Variants in KIRREL3 observed in about 807,000 individuals in gnomAD.
KIRREL3 encodes kirre like nephrin family adhesion molecule 3, also known as kin of IRRE-like protein 3.
A neutral mutation model predicts 89.7 loss-of-function variants in KIRREL3; 36 were observed. The observed-to-expected ratio is 0.40, with a 90% CI of 0.31 to 0.53. KIRREL3 has a LOEUF of 0.53. Ranked by LOEUF, KIRREL3 falls within the 20% of genes least tolerant of loss-of-function variation. The probability of loss-of-function intolerance (pLI) is 0.49; values close to 1 mark genes in which losing one functional copy is unlikely to be tolerated. For missense variants in KIRREL3, 864 were observed against 1,056.6 expected, an observed-to-expected ratio of 0.82 and a Z score of 2.53; for synonymous variants, 445 against 441.4, an observed-to-expected ratio of 1.01 and a Z score of -0.10.
At chr11:126,834,265 A>G (rs1943705077) in intron 1 of KIRREL3, among the ~76,000 whole-genome samples, 1 of 152,110 alleles carries the variant, frequency 6.6e-6, no homozygotes, top group African/African-American at 2.4e-5. Flanking sequence ...TTTGGCCCAG[A>G]ATTTGGGTGG....
At chr11:126,707,418 C>G (rs1947575040) in intron 1 of KIRREL3, among the ~76,000 whole-genome samples, 1 of 152,198 alleles carries the variant, frequency 6.6e-6, no homozygotes, top group South Asian at 2.1e-4. Flanking sequence ...AAATGTCTAG[C>G]TAGTTCCCCA....
rs1400453299 is a variant in KIRREL3 at position 126,471,137 on chromosome 11, C to G, written c.591+2172G>C. On this transcript the variant is annotated intron_variant, in intron 5 of 16. Coordinates refer to ENST00000525144, the MANE Select transcript of KIRREL3 (RefSeq NM_032531.4). The surrounding 1 kb of genome is among the most constrained non-coding windows in gnomAD (Gnocchi z 5.4). ...CTTTGGGAGGCTGAGGCAGGTGGAT[C>G]ACCTGAGGTCGGGAGTTTGAGACCA... 5.9e-5 allele frequency among the ~76,000 whole-genome samples: 9 copies of G among 152,094 alleles called. No homozygotes were observed. The highest frequency in any genetic ancestry group is 1.3e-4 in the Non-Finnish European group (9 of 68,024).
At chr11:126,827,726 T>A (rs1392162206) in intron 1 of KIRREL3, among the ~76,000 whole-genome samples, 3 of 152,224 alleles carry the variant, frequency 2.0e-5, no homozygotes, top group Non-Finnish European at 2.9e-5. Context: ...AGTTTAGGTG[T>A]GTCATTTACT....
intron 4 of KIRREL3, among the ~76,000 whole-genome samples, chr11:126,493,596 A>C (rs1957580088): frequency 7.2e-6 from 1 of 139,668 alleles, no homozygotes; most frequent in South Asian, 2.3e-4. Flanking sequence ...CGGAGCTTGC[A>C]GTGAGCTGAG....
intron 1 of KIRREL3, among the ~76,000 whole-genome samples, chr11:126,958,118 C>A (rs959963492): frequency 5.9e-5 from 9 of 152,196 alleles, no homozygotes; most frequent in Non-Finnish European, 1.3e-4. Flanking sequence ...AATGTATGTA[C>A]AACACAGTGC....
At chr11:126,913,983 G>T (rs1946934948) in intron 1 of KIRREL3, among the ~76,000 whole-genome samples, 1 of 152,206 alleles carries the variant, frequency 6.6e-6, no homozygotes, top group Non-Finnish European at 1.5e-5. Context: ...GCAGCATTAC[G>T]GTAGACTATA....
chr11:126,988,393 C>A (rs1466774066), intron 1 of KIRREL3: 4 of 152,814 alleles, frequency 2.6e-5, no homozygotes, highest in Non-Finnish European at 5.9e-5. Context: ...CCAAATCCTA[C>A]AAGCTATGAA....
chr11:126,907,335 A>T (rs1946628240), intron 1 of KIRREL3, among the ~76,000 whole-genome samples: 1 of 152,194 alleles, frequency 6.6e-6, no homozygotes, highest in African/African-American at 2.4e-5. Context: ...TGTCAAATAT[A>T]GTTATGAGTA....
In KIRREL3 at chr11:126,563,125, T is replaced by C. The variant is rs1940254616; in HGVS notation, c.56-213A>G. ...TCATAACAACCCTGTGAAGGATGTT[T>C]CCCCATTTTCTATCATCCCCATTTA... On this transcript the variant is annotated intron_variant, in intron 1 of 16. Transcript: ENST00000525144. This position sits in a 1 kb window ranked among gnomAD's most constrained non-coding sequence, Gnocchi z 6.8. Among the ~76,000 whole-genome samples, 1 of 152,226 alleles carries C rather than the reference T, an allele frequency of 6.6e-6. No individual in the cohort carries two copies. The highest frequency in any genetic ancestry group is 1.5e-5 in the Non-Finnish European group (1 of 68,040).
At position 126,474,417 on chromosome 11, in the gene KIRREL3, G is replaced by T. The variant is rs1452300729; in HGVS notation, c.434-951C>A. On this transcript the variant is annotated intron_variant, in intron 4 of 16. Transcript: ENST00000525144. The surrounding 1 kb of genome is among the most constrained non-coding windows in gnomAD (Gnocchi z 6.7). ...CATGGTGGCAGAGCCAGGGCTGGAG[G>T]CCAGGCCCAGGGAACCTGGGAGCAC... Among the ~76,000 whole-genome samples, 1 of 152,228 alleles carries T rather than the reference G, an allele frequency of 6.6e-6. No individual in the cohort carries two copies. Among genetic ancestry groups the T allele is most frequent in the African/African-American group, 2.4e-5 (1 of 41,472 alleles).
intron 4 of KIRREL3, among the ~76,000 whole-genome samples, chr11:126,500,586 A>G (rs1477992553): frequency 3.3e-5 from 5 of 152,142 alleles, no homozygotes; most frequent in Non-Finnish European, 7.4e-5. Flanking sequence ...CAAAAAGTAC[A>G]AAAATTAGCT....
At chr11:126,595,111 G>A (rs1016131960) in intron 1 of KIRREL3, among the ~76,000 whole-genome samples, 2 of 152,236 alleles carry the variant, frequency 1.3e-5, no homozygotes, top group Admixed American at 1.3e-4. Flanking sequence ...CTGTCAGCCC[G>A]GCTGAGAGCA....
chr11:126,481,389 TC>T lies in KIRREL3; in HGVS notation c.434-7924del, dbSNP rs1957213878. Among the ~76,000 whole-genome samples the T allele has an allele frequency of 3.3e-5, 5 of 152,336 alleles. No individual in the cohort carries two copies. In the South Asian group the frequency reaches 1.0e-3, roughly 32 times the overall value. On this transcript the variant is annotated intron_variant, in intron 4 of 16. Coordinates refer to ENST00000525144, the MANE Select transcript of KIRREL3 (RefSeq NM_032531.4). ...CACTTTTCTGTGAACTCAACTCACA[TC>T]TTTAAGCTGACGAATTCCAAAGAAG...
rs909517904 is a variant in KIRREL3 at position 126,541,720 on chromosome 11, G to A, written c.134-15033C>T. Among the ~76,000 whole-genome samples, 18 of 152,180 alleles carry A rather than the reference G, an allele frequency of 1.2e-4. No individual in the cohort carries two copies. The highest frequency in any genetic ancestry group is 3.1e-4 in the African/African-American group (13 of 41,526). On this transcript the variant is annotated intron_variant, in intron 2 of 16. Transcript: ENST00000525144. The surrounding 1 kb of genome is among the most constrained non-coding windows in gnomAD (Gnocchi z 4.8). ...GCTTCTGGGTCATCCTTCTGCAGGCGGTTTCTGGGCCACATCCTAAGGGCA... is the reference window on the plus strand; with the variant it reads ...GCTTCTGGGTCATCCTTCTGCAGGCAGTTTCTGGGCCACATCCTAAGGGCA...
At position 126,908,243 on chromosome 11, in the gene KIRREL3, A is replaced by G. The variant is rs1565406203; in HGVS notation, c.55+92212T>C. 6.6e-6 allele frequency among the ~76,000 whole-genome samples: 1 copy of G among 152,236 alleles called. No homozygotes were observed. Among genetic ancestry groups the G allele is most frequent in the African/African-American group, 2.4e-5 (1 of 41,466 alleles). ...TTATTAAATAAATAAATCTAGGTGG[A>G]TATTCCAATCGGTTGCTTTGACATT... On this transcript the variant is annotated intron_variant, in intron 1 of 16. Transcript: ENST00000525144. This position sits in a 1 kb window ranked among gnomAD's most constrained non-coding sequence, Gnocchi z 4.2.
chr11:126,925,910 A>G (rs1947694301), intron 1 of KIRREL3, among the ~76,000 whole-genome samples: 1 of 152,216 alleles, frequency 6.6e-6, no homozygotes, highest in Admixed American at 6.5e-5. Flanking sequence ...CCAGGTTGAC[A>G]TCAACAGCAA....
rs1156584156 is a variant in KIRREL3 at position 126,977,222 on chromosome 11, T to A, written c.55+23233A>T. 6.6e-6 allele frequency among the ~76,000 whole-genome samples: 1 copy of A among 152,186 alleles called. No homozygotes were observed. The highest frequency in any genetic ancestry group is 1.5e-5 in the Non-Finnish European group (1 of 68,028). ...CTTCTGCCAGGTGCCCCGCCTGCCA[T>A]CTTTTGTACCTTTTTTTCAAAACTG... On this transcript the variant is annotated intron_variant, in intron 1 of 16. Transcript: ENST00000525144. This position sits in a 1 kb window ranked among gnomAD's most constrained non-coding sequence, Gnocchi z 4.7.
Position 126,764,740 on chromosome 11 carries a change from A to G in KIRREL3, c.56-201828T>C, listed in dbSNP as rs1179359544. Among the ~76,000 whole-genome samples, 3 of 152,130 alleles carry G rather than the reference A, an allele frequency of 2.0e-5. No individual in the cohort carries two copies. The highest frequency in any genetic ancestry group is 1.3e-4 in the Admixed American group (2 of 15,268). ...ATTGCACACATGAGTGGAACATACT[A>G]TCCAGCTTCTTAGGGCCTGTGCTGT... On this transcript the variant is annotated intron_variant, in intron 1 of 16. Transcript: ENST00000525144. The surrounding 1 kb of genome is among the most constrained non-coding windows in gnomAD (Gnocchi z 4.2).
intron 2 of KIRREL3, among the ~76,000 whole-genome samples, chr11:126,559,872 AG>A: frequency 6.6e-6 from 1 of 152,024 alleles, no homozygotes; most frequent in African/African-American, 2.4e-5. Context: ...TAGTAGAGAC[AG>A]GGTTTCACCA....
Sources: allele counts gnomAD v4.1 joint callset (sites outside exome capture counted in the v4.1 genomes callset), GRCh38; gene constraint gnomAD v4.1.1; non-coding constraint Gnocchi (gnomAD v3.1); transcripts MANE v1.5; gene names NCBI Gene and HGNC (gene_info 2026-07-23, HGNC 2026-07-21).